The following TXNDC11 variants were observed in gnomAD, a reference collection of about 807,000 sequenced individuals.
TXNDC11 encodes the protein thioredoxin domain-containing protein 11.
A neutral mutation model predicts 78.0 loss-of-function variants in TXNDC11; 68 were observed. That is an observed-to-expected ratio of 0.87 (90% CI 0.72 to 1.07). The LOEUF (loss-of-function observed/expected upper bound fraction) is 1.07. Ranked by LOEUF, TXNDC11 falls within the 50% of genes least tolerant of loss-of-function variation. The probability of loss-of-function intolerance (pLI) is 0.00; values close to 1 mark genes in which losing one functional copy is unlikely to be tolerated. For missense variants in TXNDC11, 1,389 were observed against 1,221.8 expected (o/e 1.14, Z -2.04); for synonymous variants, 571 against 495.2 (o/e 1.15, Z -2.03).
At position 11,691,518 on chromosome 16, in the gene TXNDC11, G is replaced by C; in HGVS notation, c.1672C>G (p.Leu558Val). ...CTAGTCATGTCCACTTCTGGAAAGA[G>C]ATACCTGTTCTCCTCAATGTGAGGA... ...SVPHIEENRY[L>V]FPEVDMTSTN... The change falls in exon 8 of 12, where the codon CTC becomes GTC. Residue 558 changes from leucine to valine, a missense_variant. Physicochemically the swap from Leu to Val is conservative, Grantham distance 32. Coordinates refer to ENST00000283033, the MANE Select transcript of TXNDC11 (RefSeq NM_015914.7). The C allele has an allele frequency of 3.1e-6, 5 of 1,614,212 alleles. No individual in the cohort carries two copies. Among genetic ancestry groups the C allele is most frequent in the East Asian group, 2.2e-5 (1 of 44,886 alleles).
At chr16:11,688,669 C>A (rs2050630734) in intron 8 of TXNDC11, 2 of 426,540 alleles carry the variant, frequency 4.7e-6, no homozygotes, top group East Asian at 7.1e-5. Context: ...AAACACTATG[C>A]AATGTTAGAT....
chr16:11,679,265 C>G lies in TXNDC11; in HGVS notation c.2807G>C (p.Ser936Thr). 2.5e-6 allele frequency: 4 copies of G among 1,613,074 alleles called. No individual in the cohort carries two copies. The highest frequency in any genetic ancestry group is 3.4e-6 in the Non-Finnish European group (4 of 1,180,012). Residue 936 changes from serine to threonine, a missense_variant, in exon 12 of 12, where the codon AGC becomes ACC. Coordinates refer to ENST00000283033, the MANE Select transcript of TXNDC11 (RefSeq NM_015914.7). The surrounding 1 kb of genome is among the most constrained non-coding windows in gnomAD (Gnocchi z 4.6). ...EPSATPQLPGSSPPPANVSAT... is the reference protein window; with the variant it reads ...EPSATPQLPGTSPPPANVSAT... ...GCTGACATTGGCAGGTGGAGGGGAG[C>G]TGCCAGGGAGCTGGGGGGTGGCTGA... is the stretch of plus-strand genomic sequence containing the variant.
At chr16:11,696,701 C>T (rs573843860) in intron 7 of TXNDC11, among the ~76,000 whole-genome samples, 24 of 152,196 alleles carry the variant, frequency 1.6e-4, no homozygotes, top group Admixed American at 4.6e-4. Flanking sequence ...AGAAAGGAGT[C>T]ACAGGCAAAA....
chr16:11,691,095 G>C, intron 8 of TXNDC11, 195 bp downstream of exon 8: 1 of 577,676 alleles, frequency 1.7e-6, no homozygotes, highest in Non-Finnish European at 3.0e-6. Context: ...TTCAGAGTGA[G>C]GAAGTTTCTG....
intron 1 of TXNDC11, chr16:11,742,148 T>A: frequency 3.1e-6 from 1 of 323,656 alleles, no homozygotes. Flanking sequence ...CGGTGAGAAA[T>A]GAGGGTCCTA....
Position 11,721,614 on chromosome 16 carries a change from C to CA in TXNDC11, c.755dup (p.Leu252PhefsTer27). On this transcript the variant is annotated frameshift_variant, in exon 5 of 12. Transcript: ENST00000283033. LOFTEE classifies it high-confidence loss of function. ...AATGTAATGCTGAGGTGAAGAAGGTCAAATAACCAGGAGGCTGGGGTGAGC... is the reference window on the plus strand; with the variant it reads ...AATGTAATGCTGAGGTGAAGAAGGTCAAAATAACCAGGAGGCTGGGGTGAGC... The CA allele has an allele frequency of 6.2e-7, 1 of 1,612,136 alleles. No homozygotes were observed. Among genetic ancestry groups the CA allele is most frequent in the Non-Finnish European group, 8.5e-7 (1 of 1,178,794 alleles).
rs777549359 is a variant in TXNDC11, at chr16:11,679,519, C to G, written c.2553G>C (p.Leu851=). 3 of 1,613,360 alleles carry G rather than the reference C, an allele frequency of 1.9e-6. No individual in the cohort carries two copies. The South Asian group carries it at 3.3e-5, about 18-fold the overall frequency. ...GCAGCTGCTCACTGTGTGCGTGGAGCAGGCTGTGCTGCTCTTCCAGGGCCC... is the reference window on the plus strand; with the variant it reads ...GCAGCTGCTCACTGTGTGCGTGGAGGAGGCTGTGCTGCTCTTCCAGGGCCC... The part of the protein sequence containing the change: ...QQRALEEQHS[L]LHAHSEQLQA... The change falls in exon 12 of 12, where the codon CTG becomes CTC. Residue 851 remains leucine (L), a synonymous_variant. Coordinates refer to ENST00000283033, the MANE Select transcript of TXNDC11 (RefSeq NM_015914.7). This position sits in a 1 kb window ranked among gnomAD's most constrained non-coding sequence, Gnocchi z 4.6.
rs149701958 is a variant in TXNDC11, at chr16:11,709,423, A to ATTTTTTTTT, written c.794-8868_794-8860dup. On this transcript the variant is annotated intron_variant, in intron 5 of 11. Coordinates refer to ENST00000283033, the MANE Select transcript of TXNDC11 (RefSeq NM_015914.7). ...CCACCATGCGTAGCTAATTTTTTGT[A>ATTTTTTTTT]TTTTTTTTTTTTTTTTTTTTTTTTT... 9.0e-4 allele frequency among the ~76,000 whole-genome samples: 50 copies of ATTTTTTTTT among 55,570 alleles called. 1 individual carries two copies. Among genetic ancestry groups the ATTTTTTTTT allele is most frequent in the East Asian group, 1.1e-3 (2 of 1,894 alleles). The allele number at this position is 55,570 out of a possible 152,430, so 36.5% of individuals were successfully genotyped here.
chr16:11,738,753 A>AGTC (rs1179553128), intron 1 of TXNDC11, among the ~76,000 whole-genome samples: 1 of 152,186 alleles, frequency 6.6e-6, no homozygotes, highest in African/African-American at 2.4e-5. Flanking sequence ...CATGGCCAAG[A>AGTC]GTCGTGGCTC....
At position 11,687,826 on chromosome 16, in the gene TXNDC11, G is replaced by T. The variant is rs1264609381; in HGVS notation, c.2153+31C>A. 4.7e-6 allele frequency: 7 copies of T among 1,474,446 alleles called. No homozygotes were observed. In the East Asian group the frequency reaches 1.1e-4, roughly 24 times the overall value. The allele number at this position is 1,474,446 out of a possible 1,614,324, so 91.3% of individuals were successfully genotyped here. ...AAATAAGAGTGAAAATGGGCATACA[G>T]CCCAAAGCGCTGCAGAAGAGGCCTG... On this transcript the variant is annotated intron_variant, in intron 10 of 11. Coordinates refer to ENST00000283033, the MANE Select transcript of TXNDC11 (RefSeq NM_015914.7).
Position 11,679,855 on chromosome 16 carries a change from G to C in TXNDC11, c.2235-18C>G, listed in dbSNP as rs747026176. On this transcript the variant is annotated intron_variant, in intron 11 of 11. Coordinates refer to ENST00000283033, the MANE Select transcript of TXNDC11 (RefSeq NM_015914.7). The surrounding 1 kb of genome is among the most constrained non-coding windows in gnomAD (Gnocchi z 4.6). ...GGTCCTTTCTGGAGAGAGAGGGAAAGGAAGCAAAGACAGGAGTCACACCAA... is the reference window on the plus strand; with the variant it reads ...GGTCCTTTCTGGAGAGAGAGGGAAACGAAGCAAAGACAGGAGTCACACCAA... 24 of 1,595,218 alleles carry C rather than the reference G, an allele frequency of 1.5e-5. No homozygotes were observed. The highest frequency in any genetic ancestry group is 2.1e-5 in the Non-Finnish European group (24 of 1,167,704).
chr16:11,693,353 T>A (rs894773909), intron 7 of TXNDC11, among the ~76,000 whole-genome samples: 1 of 152,202 alleles, frequency 6.6e-6, no homozygotes, highest in African/African-American at 2.4e-5. Flanking sequence ...ACATGTAAGT[T>A]ATAATCCAAA....
At chr16:11,711,547 T>C (rs1347583441) in intron 5 of TXNDC11, among the ~76,000 whole-genome samples, 1 of 152,210 alleles carries the variant, frequency 6.6e-6, no homozygotes, top group African/African-American at 2.4e-5. Flanking sequence ...CCATCTCACA[T>C]TACACTCTGC....
At chr16:11,719,551 T>G (rs2051641718) in intron 5 of TXNDC11, among the ~76,000 whole-genome samples, 1 of 152,244 alleles carries the variant, frequency 6.6e-6, no homozygotes, top group Non-Finnish European at 1.5e-5. Flanking sequence ...TCATATATAC[T>G]GTTTTAATAT....
chr16:11,710,009 G>A (rs895896806), intron 5 of TXNDC11, among the ~76,000 whole-genome samples: 1 of 152,148 alleles, frequency 6.6e-6, no homozygotes, highest in African/African-American at 2.4e-5. Context: ...CAGACGTGGT[G>A]GCACATGCCT....
At chr16:11,680,388 T>G (rs2050392813) in intron 11 of TXNDC11, among the ~76,000 whole-genome samples, 6 of 152,214 alleles carry the variant, frequency 3.9e-5, no homozygotes. Flanking sequence ...CCCAGGTACA[T>G]CTGGCTCACA....
intron 10 of TXNDC11, among the ~76,000 whole-genome samples, chr16:11,686,240 G>A (rs1235891396): frequency 6.6e-6 from 1 of 152,220 alleles, no homozygotes; most frequent in Non-Finnish European, 1.5e-5. Flanking sequence ...TTACAGGCAT[G>A]AGCCACTGCA....
intron 5 of TXNDC11, among the ~76,000 whole-genome samples, chr16:11,717,613 A>G (rs2051571184): frequency 6.6e-6 from 1 of 151,942 alleles, no homozygotes; most frequent in Non-Finnish European, 1.5e-5. Flanking sequence ...TGAGGTCAGG[A>G]GTTCAAGAAC....
rs762968538 is a variant in TXNDC11 at position 11,730,762 on chromosome 16, G to A, written c.582C>T (p.Ile194=). 14 of 1,599,672 alleles carry A rather than the reference G, an allele frequency of 8.8e-6. No homozygotes were observed. The East Asian group carries it at 1.1e-4, about 13-fold the overall frequency. Residue 194 remains isoleucine, a synonymous_variant, in exon 4 of 12, where the codon ATC becomes ATT. Transcript: ENST00000283033. The part of the protein sequence containing the change: ...IYLYHRSFGP[I]EYKGPMSAVY... ...CAGCACTCATGGGGCCTTTGTATTC[G>A]ATTGGTCCAAAACTAGTACCAAAAA... is the stretch of plus-strand genomic sequence containing the variant.
Sources: gnomAD v4.1 joint callset for allele counts (sites outside exome capture counted in the v4.1 genomes callset) on GRCh38, gnomAD v4.1.1 for gene constraint, Gnocchi (gnomAD v3.1) non-coding constraint, MANE v1.5 for transcripts, NCBI Gene and HGNC (gene_info 2026-07-23, HGNC 2026-07-21) for gene names.